The following RIPK4 variants were observed in gnomAD, a reference collection of about 807,000 sequenced individuals.
The protein encoded by RIPK4 is receptor-interacting serine/threonine-protein kinase 4.
In RIPK4, 17 loss-of-function variants were observed where a neutral mutation model predicts 42.9. The ratio of observed to expected loss-of-function variants is 0.40; its 90% CI spans 0.27 to 0.59. The LOEUF is 0.59. Among genes scored for constraint, RIPK4 ranks in the 20% least tolerant of loss-of-function variants. The pLI is 0.47. For synonymous variants in RIPK4, 498 were observed against 499.1 expected (o/e 1.00, Z 0.03); for missense variants, 897 against 1,104.4 (o/e 0.81, Z 2.66).
At chr21:41,752,674 C>T (rs550589958) in intron 2 of RIPK4, among the ~76,000 whole-genome samples, 2 of 152,346 alleles carry the variant, frequency 1.3e-5, no homozygotes, top group African/African-American at 4.8e-5. Context: ...GACACAACAA[C>T]GGGTCCTAAC....
At position 41,742,923 on chromosome 21, in the gene RIPK4, C is replaced by T. The variant is rs185999502; in HGVS notation, c.1196-926G>A. Among the ~76,000 whole-genome samples the T allele has an allele frequency of 2.8e-4, 43 of 152,336 alleles. No individual in the cohort carries two copies. The highest frequency in any genetic ancestry group is 2.5e-3 in the Admixed American group (39 of 15,308). On this transcript the variant is annotated intron_variant, in intron 7 of 7. Coordinates refer to ENST00000332512, the MANE Select transcript of RIPK4 (RefSeq NM_020639.3). This position sits in a 1 kb window ranked among gnomAD's most constrained non-coding sequence, Gnocchi z 5.1. ...CCCTGACTCTCCTCCTCAAGCCCAT[C>T]ACCCACTGCTTATCTGCCGTCGAAC...
chr21:41,746,657 T>A lies in RIPK4; in HGVS notation c.788A>T (p.Gln263Leu). 6.2e-7 allele frequency: 1 copy of A among 1,611,226 alleles called. No individual in the cohort carries two copies. ...RACSHLIRLM[Q>L]RCWQGDPRVR... ...TCGCGGATCCCCCTGCCAGCACCGC[T>A]GCATGAGGCGTATCAGGTGGCTGCA... The change falls in exon 5 of 8, where the codon CAG becomes CTG. Residue 263 changes from glutamine to leucine, a missense_variant. By Grantham distance (113) the Gln-to-Leu change is moderately radical. Transcript: ENST00000332512.
At chr21:41,756,868 C>T (rs2061205300) in intron 1 of RIPK4, 52 bp from the exon 2 acceptor site, 1 of 1,570,664 alleles carries the variant, frequency 6.4e-7, no homozygotes, top group South Asian at 1.2e-5. Flanking sequence ...CAGCCACAAA[C>T]ATGGAACAGC....
chr21:41,766,768 GGA>G (rs1569109331), intron 1 of RIPK4, 90 bp downstream of exon 1: 2 of 1,355,048 alleles, frequency 1.5e-6, no homozygotes, highest in South Asian at 1.3e-5. Flanking sequence ...GGTGAGTTCG[GGA>G]GAGAGAGGCA....
chr21:41,760,672 C>G (rs536165523), intron 1 of RIPK4, among the ~76,000 whole-genome samples: 2 of 152,166 alleles, frequency 1.3e-5, no homozygotes, highest in Non-Finnish European at 2.9e-5. Context: ...AGGGGAGAAG[C>G]TTGCAGGACC....
chr21:41,745,699 TTGGAAACTCCTGCC>T, intron 6 of RIPK4, 46 bp downstream of exon 6: 4 of 1,334,744 alleles, frequency 3.0e-6, no homozygotes, highest in Non-Finnish European at 4.3e-6. Flanking sequence ...GAGGAGTGGT[TTGGAAACTCCTGCC>T]TGGAAGCCGA....
chr21:41,752,802 A>T (rs1246090768), intron 2 of RIPK4, among the ~76,000 whole-genome samples: 1 of 152,162 alleles, frequency 6.6e-6, no homozygotes, highest in Non-Finnish European at 1.5e-5. Flanking sequence ...GGAGGGGAAC[A>T]TCACACGCCG....
chr21:41,763,084 C>A (rs905858427), intron 1 of RIPK4, among the ~76,000 whole-genome samples: 17 of 152,136 alleles, frequency 1.1e-4, no homozygotes, highest in African/African-American at 3.6e-4. Flanking sequence ...ATTCTGCTTC[C>A]ACGCAGGAAC....
Position 41,745,822 on chromosome 21 carries a change from A to T in RIPK4, c.873T>A (p.Asp291Glu). ...SETEDLCEKPDDEVKETAHDL... is the reference protein window; with the variant it reads ...SETEDLCEKPEDEVKETAHDL... The stretch of plus-strand genomic sequence containing the variant: ...CATGAGCAGTTTCTTTCACTTCGTC[A>T]TCAGGCTTTTCACACAGGTCCTCGG... Residue 291 changes from aspartate (D) to glutamate (E), a missense_variant, in exon 6 of 8, where the codon GAT (aspartate) becomes GAA (glutamate). Coordinates refer to ENST00000332512, the MANE Select transcript of RIPK4 (RefSeq NM_020639.3). 2.5e-6 allele frequency: 4 copies of T among 1,614,246 alleles called. No homozygotes were observed. Among genetic ancestry groups the T allele is most frequent in the Non-Finnish European group, 3.4e-6 (4 of 1,180,036 alleles).
chr21:41,752,259 C>A (rs537109151), intron 2 of RIPK4, among the ~76,000 whole-genome samples: 3 of 152,220 alleles, frequency 2.0e-5, no homozygotes, highest in Admixed American at 6.5e-5. Context: ...TCTTGAGCTC[C>A]TCTCAAACAC....
intron 1 of RIPK4, among the ~76,000 whole-genome samples, chr21:41,759,381 C>T (rs1340640643): frequency 1.3e-5 from 2 of 152,038 alleles, no homozygotes; most frequent in Non-Finnish European, 2.9e-5. Context: ...CATGAGTCAC[C>T]GTGCCCAGCC....
Position 41,742,003 on chromosome 21 carries a change from G to C in RIPK4, c.1196-6C>G. ...GACGTCTGTGGTGCCCAGATCTGCA[G>C]GGAGAGGAGAGGCAAAGGTCAGAGC... On this transcript the variant is annotated splice_polypyrimidine_tract_variant and splice_region_variant and intron_variant, in intron 7 of 7. Transcript: ENST00000332512. The surrounding 1 kb of genome is among the most constrained non-coding windows in gnomAD (Gnocchi z 5.1). The C allele has an allele frequency of 6.4e-7, 1 of 1,573,112 alleles. No individual in the cohort carries two copies. The highest frequency in any genetic ancestry group is 1.2e-5 in the South Asian group (1 of 84,312).
At chr21:41,750,973 T>A in intron 3 of RIPK4, 124 bp downstream of exon 3, 4 of 1,279,168 alleles carry the variant, frequency 3.1e-6, no homozygotes, top group Non-Finnish European at 4.3e-6. Context: ...TCACCGCGCC[T>A]GGCCCGAGCC....
rs145047492 is a variant in RIPK4, at chr21:41,753,742, G to C, written c.475-2497C>G. Among the ~76,000 whole-genome samples, 1,191 of 152,318 alleles carry C rather than the reference G, an allele frequency of 7.8e-3. 19 individuals are homozygous for C. Among genetic ancestry groups the C allele is most frequent in the African/African-American group, 0.027 (1,137 of 41,550 alleles). On this transcript the variant is annotated intron_variant, in intron 2 of 7. Transcript: ENST00000332512. Reference sequence around the variant, plus strand: ...TTCAACTTCAAGGTCCAGCTGTCAAGACTAAGAAAGCAGCCTGCCGGGGTT... The same window carrying C: ...TTCAACTTCAAGGTCCAGCTGTCAACACTAAGAAAGCAGCCTGCCGGGGTT...
At position 41,767,048 on chromosome 21, in the gene RIPK4, C is replaced by CA. The variant is rs2061240119; in HGVS notation, c.-8_-7insT. ...TCCCGCCGTCGCCCTCCATCGCGCA[C>CA]GTCTAGCCAGCGCCGCGGCGGCTGC... On this transcript the variant is annotated 5_prime_UTR_variant, in exon 1 of 8. Transcript: ENST00000332512. This position sits in a 1 kb window ranked among gnomAD's most constrained non-coding sequence, Gnocchi z 4.0. The CA allele has an allele frequency of 1.3e-6, 2 of 1,541,658 alleles. No homozygotes were observed.
In RIPK4 at chr21:41,741,106, A is replaced by G; in HGVS notation, c.2087T>C (p.Val696Ala). Residue 696 changes from valine (V) to alanine (A), a missense_variant, in exon 8 of 8, where the codon GTG becomes GCG. Val to Ala is a moderately conservative substitution (Grantham distance 64). Transcript: ENST00000332512. ...VKLLVEEKAD[V>A]LARGPLNQTA... is the part of the protein sequence containing the mutation. ...CTGGTTCAGGGGTCCCCGGGCCAGC[A>G]CATCGGCCTTCTCCTCGACAAGCAG... is the stretch of plus-strand genomic sequence containing the variant. The G allele has an allele frequency of 6.2e-7, 1 of 1,612,450 alleles. No individual in the cohort carries two copies. The highest frequency in any genetic ancestry group is 8.5e-7 in the Non-Finnish European group (1 of 1,179,816).
intron 1 of RIPK4, among the ~76,000 whole-genome samples, chr21:41,758,541 G>A (rs984631842): frequency 1.6e-4 from 24 of 152,182 alleles, no homozygotes; most frequent in Non-Finnish European, 3.1e-4. Context: ...GCCTGGAGTC[G>A]TGGCTTTCAA....
In RIPK4 at chr21:41,740,387, G is replaced by T; in HGVS notation, c.*451C>A. The T allele has an allele frequency of 6.1e-6, 1 of 165,020 alleles. No individual in the cohort carries two copies. Among genetic ancestry groups the T allele is most frequent in the Non-Finnish European group, 1.3e-5 (1 of 77,238 alleles). The allele number at this position is 165,020 out of a possible 1,614,324, so 10.2% of individuals were successfully genotyped here. On this transcript the variant is annotated 3_prime_UTR_variant, in exon 8 of 8. Coordinates refer to ENST00000332512, the MANE Select transcript of RIPK4 (RefSeq NM_020639.3). ...AGATATTTTATAAAACAATTCCATG[G>T]AAACTTTAAGACAGGCCTCTCTGCC... is the stretch of plus-strand genomic sequence containing the variant.
At chr21:41,749,623 A>C (rs1601678760) in intron 3 of RIPK4, among the ~76,000 whole-genome samples, 1 of 152,116 alleles carries the variant, frequency 6.6e-6, no homozygotes, top group Non-Finnish European at 1.5e-5. Flanking sequence ...CTCCCCCAAC[A>C]ATGATTTCAT....
Sources: allele counts gnomAD v4.1 joint callset (sites outside exome capture counted in the v4.1 genomes callset), GRCh38; gene constraint gnomAD v4.1.1; non-coding constraint Gnocchi (gnomAD v3.1); transcripts MANE v1.5; gene names NCBI Gene and HGNC (gene_info 2026-07-23, HGNC 2026-07-21).